Variants in GALNT13 observed in about 807,000 individuals in gnomAD.
The protein encoded by GALNT13 is UDP-GalNAc:polypeptide N-acetylgalactosaminyltransferase 13.
A neutral mutation model predicts 64.2 loss-of-function variants in GALNT13; 28 were observed. The ratio of observed to expected loss-of-function variants is 0.44; its 90% confidence interval spans 0.32 to 0.60. GALNT13 has a LOEUF of 0.60. Ranked by LOEUF, GALNT13 falls within the 20% of genes least tolerant of loss-of-function variation. The pLI is 0.05. For synonymous variants in GALNT13, 214 were observed against 224.6 expected (o/e 0.95, Z 0.42); for missense variants, 577 against 669.8 (o/e 0.86, Z 1.53).
the GALNT13 span, among the ~76,000 whole-genome samples, chr2:153,565,508 T>C: frequency 6.6e-6 from 1 of 152,180 alleles, no homozygotes; most frequent in South Asian, 2.1e-4. Flanking sequence ...TTATAGTGTG[T>C]GTGTGTGTAG....
chr2:153,995,747 A>G (rs901925761), intron 3 of GALNT13, among the ~76,000 whole-genome samples: 1 of 152,104 alleles, frequency 6.6e-6, no homozygotes, highest in African/African-American at 2.4e-5. Flanking sequence ...TTACCCTATT[A>G]TGTGATAGAA....
the GALNT13 span, among the ~76,000 whole-genome samples, chr2:153,569,833 C>A: frequency 6.6e-6 from 1 of 152,136 alleles, no homozygotes; most frequent in African/African-American, 2.4e-5. Flanking sequence ...ACTTTTCCAC[C>A]AATCCCACAC....
At chr2:153,525,033 G>T in the GALNT13 span, among the ~76,000 whole-genome samples, 1 of 152,172 alleles carries the variant, frequency 6.6e-6, no homozygotes. Flanking sequence ...GGAGGACTTT[G>T]TCTTGCATTC....
chr2:154,013,096 A>AGCAGAACCATTGC (rs1696756340), intron 3 of GALNT13, among the ~76,000 whole-genome samples: 1 of 148,524 alleles, frequency 6.7e-6, no homozygotes, highest in African/African-American at 2.5e-5. Flanking sequence ...GGGATCTAGT[A>AGCAGAACCATTGC]TGGGCATTTG....
At chr2:153,080,624 T>C in the GALNT13 span, among the ~76,000 whole-genome samples, 4 of 152,274 alleles carry the variant, frequency 2.6e-5, no homozygotes, top group South Asian at 4.1e-4. Context: ...TAGGGTTTTA[T>C]ATATAAGACC....
At chr2:154,418,362 T>C (rs910689343) in intron 11 of GALNT13, among the ~76,000 whole-genome samples, 5 of 152,158 alleles carry the variant, frequency 3.3e-5, no homozygotes, top group African/African-American at 1.2e-4. Context: ...AAATATTTTG[T>C]AGACATGATT....
intron 9 of GALNT13, among the ~76,000 whole-genome samples, chr2:154,356,925 A>G (rs1395665274): frequency 6.6e-6 from 1 of 151,988 alleles, no homozygotes; most frequent in Non-Finnish European, 1.5e-5. Context: ...TCTGTTTAGG[A>G]AAAGCTTTTG....
At chr2:153,342,657 A>G in the GALNT13 span, among the ~76,000 whole-genome samples, 1 of 152,156 alleles carries the variant, frequency 6.6e-6, no homozygotes, top group Non-Finnish European at 1.5e-5. Flanking sequence ...CTGGAGTTGA[A>G]ATTAAAGTTT....
chr2:153,781,450 AT>A, the GALNT13 span, among the ~76,000 whole-genome samples: 1 of 152,086 alleles, frequency 6.6e-6, no homozygotes, highest in Non-Finnish European at 1.5e-5. Context: ...GAATTGATTC[AT>A]TTTCTTTCTA....
the GALNT13 span, among the ~76,000 whole-genome samples, chr2:153,317,135 G>T: frequency 6.6e-6 from 1 of 152,168 alleles, no homozygotes; most frequent in Admixed American, 6.5e-5. Context: ...AGGGAAAATA[G>T]TAATATTAAG....
chr2:153,495,046 C>T, the GALNT13 span, among the ~76,000 whole-genome samples: 1 of 152,058 alleles, frequency 6.6e-6, no homozygotes, highest in African/African-American at 2.4e-5. Context: ...GTTAATCTTG[C>T]CTACTGAAAA....
chr2:153,689,545 C>A, the GALNT13 span, among the ~76,000 whole-genome samples: 8 of 151,972 alleles, frequency 5.3e-5, no homozygotes, highest in Non-Finnish European at 1.2e-4. Flanking sequence ...TATCTTCTAG[C>A]AATATTTCAC....
chr2:153,849,606 G>A, the GALNT13 span, among the ~76,000 whole-genome samples: 1 of 152,282 alleles, frequency 6.6e-6, no homozygotes, highest in East Asian at 1.9e-4. Context: ...ATATAGGGAA[G>A]GATAACCTAG....
rs114855154 is a variant in GALNT13 at position 154,354,077 on chromosome 2, C to T, written c.1157-41914C>T. Among the ~76,000 whole-genome samples, 868 of 152,268 alleles carry T rather than the reference C, an allele frequency of 5.7e-3. 8 individuals carry two copies. The highest frequency in any genetic ancestry group is 0.02 in the African/African-American group (828 of 41,554). On this transcript the variant is annotated intron_variant, in intron 9 of 12. Transcript: ENST00000392825. ...CTACCCCCACCACCGTTTGCTATCA[C>T]TTGTCTCATTGATAAGAGCCATATT...
intron 3 of GALNT13, among the ~76,000 whole-genome samples, chr2:154,087,626 A>G (rs995197129): frequency 5.3e-5 from 8 of 152,122 alleles, no homozygotes; most frequent in African/African-American, 1.7e-4. Context: ...CTTCAACTAT[A>G]TCTGCTCATG....
intron 9 of GALNT13, among the ~76,000 whole-genome samples, chr2:154,350,887 A>G (rs1696358715): frequency 6.6e-6 from 1 of 152,208 alleles, no homozygotes; most frequent in Non-Finnish European, 1.5e-5. Flanking sequence ...AGTAGAAACT[A>G]GCAGTTCTAC....
the GALNT13 span, among the ~76,000 whole-genome samples, chr2:153,479,365 GA>G: frequency 6.6e-6 from 1 of 152,008 alleles, no homozygotes; most frequent in East Asian, 1.9e-4. Flanking sequence ...AGGAAGGAAG[GA>G]AAGAAAAAAG....
the GALNT13 span, among the ~76,000 whole-genome samples, chr2:153,183,915 G>C: frequency 6.6e-6 from 1 of 152,132 alleles, no homozygotes; most frequent in Non-Finnish European, 1.5e-5. Flanking sequence ...GATGCCTCCA[G>C]CTTTGTTCTT....
At chr2:153,170,885 G>A in the GALNT13 span, among the ~76,000 whole-genome samples, 1 of 152,138 alleles carries the variant, frequency 6.6e-6, no homozygotes, top group Admixed American at 6.5e-5. Context: ...GTCTAATATA[G>A]CAGTTATTTA....
Sources: allele counts gnomAD v4.1 joint callset (sites outside exome capture counted in the v4.1 genomes callset), GRCh38; gene constraint gnomAD v4.1.1; transcripts MANE v1.5; gene names NCBI Gene and HGNC (gene_info 2026-07-23, HGNC 2026-07-21).